Variants in ABCC12 observed in about 807,000 individuals in gnomAD.
ABCC12 encodes ATP-binding cassette sub-family C member 12.
In ABCC12, 142 loss-of-function variants were observed where a neutral mutation model predicts 151.1. The ratio of observed to expected loss-of-function variants is 0.94; its 90% CI spans 0.82 to 1.08. ABCC12 has a LOEUF of 1.08. ABCC12 is among the 50% of genes least tolerant of loss of function. ABCC12 has a pLI of 0.00. For synonymous variants in ABCC12, 645 were observed against 646.4 expected (o/e 1.00, Z 0.03); for missense variants, 1,638 against 1,691.1 (o/e 0.97, Z 0.55).
At chr16:48,133,949 T>A (rs1597320971) in intron 8 of ABCC12, 114 bp from the exon 9 acceptor site, 1 of 1,292,678 alleles carries the variant, frequency 7.7e-7, no homozygotes, top group East Asian at 2.4e-5. Flanking sequence ...TGAGTCCTGT[T>A]GTGAAGTTTA....
At chr16:48,095,886 G>A (rs1444079531) in intron 24 of ABCC12, among the ~76,000 whole-genome samples, 3 of 152,106 alleles carry the variant, frequency 2.0e-5, no homozygotes, top group Non-Finnish European at 2.9e-5. Context: ...CTAAGAATAA[G>A]GACTATGTCA....
chr16:48,120,900 C>G (rs954334666), intron 13 of ABCC12, among the ~76,000 whole-genome samples: 1 of 152,216 alleles, frequency 6.6e-6, no homozygotes, highest in Non-Finnish European at 1.5e-5. Context: ...CCCCAAATTG[C>G]TGTCTGTTCA....
chr16:48,092,834 A>T (rs1353160569), intron 24 of ABCC12, among the ~76,000 whole-genome samples: 3 of 152,160 alleles, frequency 2.0e-5, no homozygotes, highest in African/African-American at 7.2e-5. Flanking sequence ...GGCATTTATG[A>T]TAAGAAGTCC....
chr16:48,127,948 G>A (rs1964294511), intron 11 of ABCC12, among the ~76,000 whole-genome samples: 1 of 151,848 alleles, frequency 6.6e-6, no homozygotes, highest in Non-Finnish European at 1.5e-5. Flanking sequence ...CTTTCCCCTG[G>A]TAAATAAAAA....
chr16:48,129,489 G>A (rs1964351112), intron 10 of ABCC12, among the ~76,000 whole-genome samples: 1 of 152,166 alleles, frequency 6.6e-6, no homozygotes, highest in South Asian at 2.1e-4. Context: ...TGGGGTGGTA[G>A]CATGAAACAA....
At chr16:48,117,074 C>T (rs957047332) in intron 14 of ABCC12, among the ~76,000 whole-genome samples, 187 bp downstream of exon 14, 5 of 152,224 alleles carry the variant, frequency 3.3e-5, no homozygotes, top group African/African-American at 9.6e-5. Flanking sequence ...CTTGGTGCCA[C>T]GTCCACTATG....
chr16:48,096,675 C>A, intron 24 of ABCC12, 71 bp downstream of exon 24: 1 of 1,535,236 alleles, frequency 6.5e-7, no homozygotes, highest in South Asian at 1.2e-5. Context: ...TGTGTCCATC[C>A]AAAAGCACCC....
chr16:48,101,775 T>A (rs1474113971), intron 22 of ABCC12, among the ~76,000 whole-genome samples: 1 of 152,068 alleles, frequency 6.6e-6, no homozygotes, highest in Non-Finnish European at 1.5e-5. Flanking sequence ...GAAAGAGCTT[T>A]TACTAAGTAA....
At chr16:48,092,126 C>A (rs954124033) in intron 24 of ABCC12, among the ~76,000 whole-genome samples, 5 of 152,194 alleles carry the variant, frequency 3.3e-5, no homozygotes, top group Admixed American at 3.3e-4. Flanking sequence ...GCTGGCCCTG[C>A]CAACACCTTG....
At chr16:48,144,087 A>G in intron 3 of ABCC12, 22 bp from the exon 4 acceptor site, 1 of 1,604,342 alleles carries the variant, frequency 6.2e-7, no homozygotes, top group Non-Finnish European at 8.5e-7. Flanking sequence ...CAAGACACTC[A>G]GCGTTCCAGG....
intron 15 of ABCC12, among the ~76,000 whole-genome samples, chr16:48,113,059 T>C (rs972712462): frequency 6.6e-6 from 1 of 152,056 alleles, no homozygotes; most frequent in Admixed American, 6.6e-5. Context: ...CTAAAGATGG[T>C]TTGACCGAAA....
chr16:48,093,229 C>T (rs1962975559), intron 24 of ABCC12, among the ~76,000 whole-genome samples: 1 of 152,140 alleles, frequency 6.6e-6, no homozygotes, highest in Non-Finnish European at 1.5e-5. Flanking sequence ...GAAACCCAGT[C>T]TTGGAATACA....
intron 28 of ABCC12, among the ~76,000 whole-genome samples, chr16:48,085,936 T>C (rs112287137): frequency 2.0e-5 from 3 of 152,224 alleles, no homozygotes; most frequent in African/African-American, 4.8e-5. Flanking sequence ...TAGAACCCCA[T>C]AGACAATTCA....
At chr16:48,086,951 T>C in intron 27 of ABCC12, 132 bp from the exon 28 acceptor site, 1 of 770,554 alleles carries the variant, frequency 1.3e-6, no homozygotes, top group Non-Finnish European at 2.3e-6. Flanking sequence ...CCAAGAATAG[T>C]GCTCAGTACA....
At chr16:48,084,360 G>T (rs1485500975) in intron 29 of ABCC12, among the ~76,000 whole-genome samples, 1 of 152,208 alleles carries the variant, frequency 6.6e-6, no homozygotes, top group Non-Finnish European at 1.5e-5. Context: ...CTCATAGGGA[G>T]ACAGGCTGCA....
intron 4 of ABCC12, among the ~76,000 whole-genome samples, chr16:48,143,252 C>T (rs557195527): frequency 6.6e-6 from 1 of 152,176 alleles, no homozygotes; most frequent in Non-Finnish European, 1.5e-5. Flanking sequence ...GATGCGGTGC[C>T]CCTGCAAACC....
At chr16:48,147,090 T>C (rs74018288) in intron 2 of ABCC12, among the ~76,000 whole-genome samples, 4,881 of 152,002 alleles carry the variant, frequency 0.032, 246 homozygotes, top group African/African-American at 0.11. Flanking sequence ...ACACCACCCC[T>C]CAGGACCAGC....
At chr16:48,093,195 C>T (rs922770515) in intron 24 of ABCC12, among the ~76,000 whole-genome samples, 11 of 152,112 alleles carry the variant, frequency 7.2e-5, no homozygotes, top group Non-Finnish European at 1.2e-4. Context: ...TATCCAGCCC[C>T]AAAGCCCACA....
chr16:48,088,992 G>A (rs1597300740), intron 25 of ABCC12, among the ~76,000 whole-genome samples: 1 of 152,194 alleles, frequency 6.6e-6, no homozygotes, highest in South Asian at 2.1e-4. Context: ...TGGGAAAGGG[G>A]GGTAGGAGAG....
Sources: allele counts gnomAD v4.1 joint callset (sites outside exome capture counted in the v4.1 genomes callset), GRCh38; gene constraint gnomAD v4.1.1; transcripts MANE v1.5; gene names NCBI Gene and HGNC (gene_info 2026-07-23, HGNC 2026-07-21).